The following MGAT4A variants were observed in gnomAD, a reference collection of about 807,000 sequenced individuals.
The protein encoded by MGAT4A is alpha-1,3-mannosyl-glycoprotein 4-beta-N-acetylglucosaminyltransferase A.
Under a neutral mutation model 74.1 loss-of-function variants are expected in MGAT4A, and 33 were observed. The ratio of observed to expected loss-of-function variants is 0.45; its 90% CI spans 0.34 to 0.60. The LOEUF is 0.60. Among genes scored for constraint, MGAT4A ranks in the 20% least tolerant of loss-of-function variants. The pLI is 0.02. For missense variants in MGAT4A, 479 were observed against 628.3 expected, an observed-to-expected ratio of 0.76 and a Z score of 2.54; for synonymous variants, 198 against 210.4, an observed-to-expected ratio of 0.94 and a Z score of 0.51.
chr2:98,716,599 T>A (rs1240058125), intron 2 of MGAT4A, among the ~76,000 whole-genome samples: 1 of 152,220 alleles, frequency 6.6e-6, no homozygotes, highest in Non-Finnish European at 1.5e-5. Context: ...CACTCCAGCC[T>A]GGGCTACAGA....
rs986502085 is a variant in MGAT4A, at chr2:98,620,845, T to A, written c.*4721A>T. 6.6e-6 allele frequency: 1 copy of A among 152,260 alleles called. No homozygotes were observed. Among genetic ancestry groups the A allele is most frequent in the African/African-American group, 2.4e-5 (1 of 41,456 alleles). The allele number at this position is 152,260 out of a possible 1,614,324, so 9.4% of individuals were successfully genotyped here. A position where few individuals can be genotyped will look rare whatever the true frequency, so the allele number is the denominator to read the frequency against. ...GAAATAAAAAAGATCCCTTACACAC[T>A]GTTTCAGTCCTATTCCTATAGTCTC... On this transcript the variant is annotated 3_prime_UTR_variant, in exon 16 of 16. Coordinates refer to ENST00000393487, the MANE Select transcript of MGAT4A (RefSeq NM_012214.3).
Position 98,622,549 on chromosome 2 carries a change from C to T in MGAT4A, c.*3017G>A. 2.0e-6 allele frequency: 2 copies of T among 985,460 alleles called. No homozygotes were observed. Among genetic ancestry groups the T allele is most frequent in the Non-Finnish European group, 2.4e-6 (2 of 829,952 alleles). 61.0% of individuals were successfully genotyped at this position (985,460 alleles called of 1,614,324 possible). On this transcript the variant is annotated 3_prime_UTR_variant, in exon 16 of 16. Coordinates refer to ENST00000393487, the MANE Select transcript of MGAT4A (RefSeq NM_012214.3). The stretch of plus-strand genomic sequence containing the variant: ...CCTTCTTCCAGTTCCAGGGACTCTT[C>T]CCCTCCCTTAATCTTCTGCCCTCAC...
intron 10 of MGAT4A, among the ~76,000 whole-genome samples, chr2:98,640,558 C>T (rs965355921): frequency 4.6e-5 from 7 of 152,024 alleles, no homozygotes; most frequent in Admixed American, 2.6e-4. Flanking sequence ...GAGCCGAGAT[C>T]GCACCACTGC....
At position 98,731,049 on chromosome 2, in the gene MGAT4A, C is replaced by T; in HGVS notation, c.-237G>A. On this transcript the variant is annotated splice_region_variant and 5_prime_UTR_variant, in exon 1 of 16. Transcript: ENST00000393487. This position sits in a 1 kb window ranked among gnomAD's most constrained non-coding sequence, Gnocchi z 4.8. ...CCGCTGCCGCCGCGAGCCCCTCACC[C>T]GCCGCTGGCGTCGCCGTGCTCCCGC... 1 of 142,594 alleles carries T rather than the reference C, an allele frequency of 7.0e-6. No homozygotes were observed. The highest frequency in any genetic ancestry group is 2.1e-4 in the East Asian group (1 of 4,806). 8.8% of individuals were successfully genotyped at this position (142,594 alleles called of 1,614,324 possible).
In MGAT4A at chr2:98,623,656, A is replaced by C. The variant is rs1301259981; in HGVS notation, c.*1910T>G. On this transcript the variant is annotated 3_prime_UTR_variant, in exon 16 of 16. Transcript: ENST00000393487. ...TTCAACTGGCCTTTAACTGACATAAAAATCATTTTTGGCAATGTGATTGAC... is the reference window on the plus strand; with the variant it reads ...TTCAACTGGCCTTTAACTGACATAACAATCATTTTTGGCAATGTGATTGAC... The C allele has an allele frequency of 1.0e-6, 1 of 985,314 alleles. No individual in the cohort carries two copies. Among genetic ancestry groups the C allele is most frequent in the Non-Finnish European group, 1.2e-6 (1 of 829,888 alleles). The allele number at this position is 985,314 out of a possible 1,614,324, so 61.0% of individuals were successfully genotyped here. A position where few individuals can be genotyped will look rare whatever the true frequency, so the allele number is the denominator to read the frequency against.
In MGAT4A at chr2:98,624,989, G is replaced by T; in HGVS notation, c.*577C>A. On this transcript the variant is annotated 3_prime_UTR_variant, in exon 16 of 16. Coordinates refer to ENST00000393487, the MANE Select transcript of MGAT4A (RefSeq NM_012214.3). The stretch of plus-strand genomic sequence containing the variant: ...TGCATTTGAAAAATGGCATTGGTTT[G>T]TAATGTTTGCATTTCCAAAGAAAAA... 4 of 985,202 alleles carry T rather than the reference G, an allele frequency of 4.1e-6. No individual in the cohort carries two copies. Among genetic ancestry groups the T allele is most frequent in the Non-Finnish European group, 4.8e-6 (4 of 829,406 alleles). 61.0% of individuals were successfully genotyped at this position (985,202 alleles called of 1,614,324 possible). A position where few individuals can be genotyped will look rare whatever the true frequency, so the allele number is the denominator to read the frequency against.
At chr2:98,651,603 T>A (rs972820751) in intron 8 of MGAT4A, among the ~76,000 whole-genome samples, 11 of 152,252 alleles carry the variant, frequency 7.2e-5, no homozygotes, top group Admixed American at 3.9e-4. Context: ...ACGTCACTAT[T>A]TTAAAAAATC....
At position 98,620,414 on chromosome 2, in the gene MGAT4A, ATCT is replaced by A. The variant is rs1170314781; in HGVS notation, c.*5149_*5151del. ...GGTATGGTTATGACTCACATTTCTC[ATCT>A]TCTGACAGTCTTAACCTCTCATTTT... On this transcript the variant is annotated 3_prime_UTR_variant, in exon 16 of 16. Transcript: ENST00000393487. The A allele has an allele frequency of 2.0e-5, 3 of 152,208 alleles. No individual in the cohort carries two copies. The highest frequency in any genetic ancestry group is 6.5e-5 in the Admixed American group (1 of 15,274). 9.4% of individuals were successfully genotyped at this position (152,208 alleles called of 1,614,324 possible). A position where few individuals can be genotyped will look rare whatever the true frequency, so the allele number is the denominator to read the frequency against.
chr2:98,660,392 C>CCA (rs57759198), intron 5 of MGAT4A, among the ~76,000 whole-genome samples: 62 of 138,728 alleles, frequency 4.5e-4, no homozygotes, highest in South Asian at 6.7e-4. Context: ...TCATATATAA[C>CCA]CACACACACA....
At chr2:98,682,234 CCAA>C (rs1451695911) in intron 2 of MGAT4A, among the ~76,000 whole-genome samples, 5 of 151,854 alleles carry the variant, frequency 3.3e-5, no homozygotes, top group African/African-American at 7.3e-5. Flanking sequence ...ACCAGCCTGA[CCAA>C]CAAGGAGAAA....
In MGAT4A at chr2:98,656,483, G is replaced by GAAAAT; in HGVS notation, c.585-19_585-18insATTTT. ...TAGAAAATCTATTATGAGAAAGTTA[G>GAAAAT]CTGAGTTACTTAAGTTCTGTGGGAT... On this transcript the variant is annotated intron_variant, in intron 6 of 15. Transcript: ENST00000393487. The GAAAAT allele has an allele frequency of 6.6e-7, 1 of 1,512,656 alleles. No individual in the cohort carries two copies. The allele number at this position is 1,512,656 out of a possible 1,614,324, so 93.7% of individuals were successfully genotyped here.
At chr2:98,673,827 G>T (rs1456182833) in intron 4 of MGAT4A, among the ~76,000 whole-genome samples, 1 of 152,112 alleles carries the variant, frequency 6.6e-6, no homozygotes, top group Non-Finnish European at 1.5e-5. Context: ...TACCCAAAAA[G>T]TGACTATTAA....
At chr2:98,722,732 T>TTTTTGCTG (rs769706235) in intron 2 of MGAT4A, among the ~76,000 whole-genome samples, 1,791 of 152,324 alleles carry the variant, frequency 0.012, 17 homozygotes, top group Middle Eastern at 0.031. Context: ...ACTGTTTAAA[T>TTTTTGCTG]ACATTTTTGC....
chr2:98,661,496 A>G (rs1380430295), intron 5 of MGAT4A, among the ~76,000 whole-genome samples: 1 of 152,222 alleles, frequency 6.6e-6, no homozygotes, highest in Non-Finnish European at 1.5e-5. Flanking sequence ...TGTTATAAAA[A>G]TAGAATGCAA....
At chr2:98,668,453 C>T (rs982997601) in intron 4 of MGAT4A, among the ~76,000 whole-genome samples, 2 of 152,224 alleles carry the variant, frequency 1.3e-5, no homozygotes, top group Non-Finnish European at 2.9e-5. Context: ...AATGGGGAAC[C>T]TCCACCTAGA....
At position 98,675,159 on chromosome 2, in the gene MGAT4A, C is replaced by G. The variant is rs1266498322; in HGVS notation, c.279G>C (p.Leu93=). 6.2e-7 allele frequency: 1 copy of G among 1,601,250 alleles called. No homozygotes were observed. Among genetic ancestry groups the G allele is most frequent in the East Asian group, 2.2e-5 (1 of 44,706 alleles). The change falls in exon 4 of 16, where the codon CTG becomes CTC. Residue 93 remains leucine (L), a synonymous_variant. Transcript: ENST00000393487. The part of the protein sequence containing the change: ...LNKFSDNTLK[L]LKELTSKKSL... ...ATTTTTTGCTTGTTAACTCCTTTAACAGCTTTAGGGTATTATCTGAAACAC... is the reference window on the plus strand; with the variant it reads ...ATTTTTTGCTTGTTAACTCCTTTAAGAGCTTTAGGGTATTATCTGAAACAC...
rs1395494140 is a variant in MGAT4A, at chr2:98,707,713, C to A, written c.94+18526G>T. On this transcript the variant is annotated intron_variant, in intron 2 of 15. Transcript: ENST00000393487. ...TAGCGTCTCCCCAGTGATAGCACAG[C>A]CATTATTCCTCAGGAAAAGAAAACC... 2.0e-5 allele frequency among the ~76,000 whole-genome samples: 3 copies of A among 152,230 alleles called. No individual in the cohort carries two copies. In the South Asian group the frequency reaches 6.2e-4, roughly 32 times the overall value.
intron 2 of MGAT4A, among the ~76,000 whole-genome samples, chr2:98,702,497 C>T (rs1702367797): frequency 6.6e-6 from 1 of 152,220 alleles, no homozygotes; most frequent in South Asian, 2.1e-4. Flanking sequence ...TCTGAGCATG[C>T]ACAGCAGACA....
intron 2 of MGAT4A, among the ~76,000 whole-genome samples, chr2:98,683,078 A>C (rs1265731069): frequency 1.3e-5 from 2 of 151,472 alleles, no homozygotes; most frequent in East Asian, 3.9e-4. Flanking sequence ...CCAGAGCGAG[A>C]CTCCGTCTAA....
Sources: allele counts gnomAD v4.1 joint callset (sites outside exome capture counted in the v4.1 genomes callset), GRCh38; gene constraint gnomAD v4.1.1; non-coding constraint Gnocchi (gnomAD v3.1); transcripts MANE v1.5; gene names NCBI Gene and HGNC (gene_info 2026-07-23, HGNC 2026-07-21).